The following POFUT3 variants were observed in gnomAD, a reference collection of about 807,000 sequenced individuals.
POFUT3 encodes the protein protein O-fucosyltransferase 3, also known as GDP-fucose protein O-fucosyltransferase 3.
chr8:33,438,701 C>T, the POFUT3 span, among the ~76,000 whole-genome samples: 1 of 152,160 alleles, frequency 6.6e-6, no homozygotes, highest in Non-Finnish European at 1.5e-5. Flanking sequence ...GCTGGGGAGG[C>T]CTCACAATCG....
At chr8:33,411,036 T>C in the POFUT3 span, among the ~76,000 whole-genome samples, 2 of 152,192 alleles carry the variant, frequency 1.3e-5, no homozygotes, top group Non-Finnish European at 2.9e-5. Flanking sequence ...TGTTATGGTC[T>C]GGGCCATTCA....
At chr8:33,341,290 C>A in the POFUT3 span, among the ~76,000 whole-genome samples, 1 of 151,864 alleles carries the variant, frequency 6.6e-6, no homozygotes, top group Middle Eastern at 3.2e-3. Flanking sequence ...CAAGAATTAG[C>A]CGAGGCTGGT....
At chr8:33,436,227 G>T in the POFUT3 span, 36 of 1,330,532 alleles carry the variant, frequency 2.7e-5, no homozygotes, top group Middle Eastern at 3.8e-4. Flanking sequence ...TGGGTACCAC[G>T]AAGGGTGTAT....
At chr8:33,458,161 GAT>G in the POFUT3 span, among the ~76,000 whole-genome samples, 1 of 152,126 alleles carries the variant, frequency 6.6e-6, no homozygotes, top group African/African-American at 2.4e-5. Context: ...GCAGTGTAAA[GAT>G]ACAGGGAGAA....
chr8:33,395,100 T>C, the POFUT3 span, among the ~76,000 whole-genome samples: 4 of 152,088 alleles, frequency 2.6e-5, no homozygotes, highest in African/African-American at 9.7e-5. Flanking sequence ...AGGAGCACTG[T>C]AAGAAGACTG....
the POFUT3 span, among the ~76,000 whole-genome samples, chr8:33,312,261 C>CA: frequency 3.8e-4 from 53 of 140,822 alleles, no homozygotes; most frequent in South Asian, 1.8e-3. Context: ...GACTCCGTCT[C>CA]AAAAAAAAAA....
the POFUT3 span, among the ~76,000 whole-genome samples, chr8:33,400,651 T>C: frequency 6.6e-6 from 1 of 152,150 alleles, no homozygotes; most frequent in Non-Finnish European, 1.5e-5. Flanking sequence ...AATTTACTTA[T>C]AGATTTTTAT....
the POFUT3 span, chr8:33,453,558 T>C: frequency 2.1e-6 from 3 of 1,458,692 alleles, no homozygotes; most frequent in Admixed American, 4.2e-5. Flanking sequence ...TTGATTTCCT[T>C]TTGCACATCT....
At chr8:33,360,423 G>T in the POFUT3 span, among the ~76,000 whole-genome samples, 4 of 151,822 alleles carry the variant, frequency 2.6e-5, no homozygotes, top group Admixed American at 2.0e-4. Context: ...TCCAGCCTGG[G>T]CAATAGAGTG....
chr8:33,380,017 A>ATATATATATAC, the POFUT3 span, among the ~76,000 whole-genome samples: 1 of 50,456 alleles, frequency 2.0e-5, no homozygotes, highest in Non-Finnish European at 3.2e-5. Flanking sequence ...TATATATAGT[A>ATATATATATAC]TATATATATA....
chr8:33,310,874 T>A, the POFUT3 span, among the ~76,000 whole-genome samples: 20 of 152,128 alleles, frequency 1.3e-4, no homozygotes, highest in African/African-American at 4.8e-4. Context: ...CCAAACCCAA[T>A]TCACTATTTA....
At chr8:33,456,066 C>G in the POFUT3 span, among the ~76,000 whole-genome samples, 1 of 152,184 alleles carries the variant, frequency 6.6e-6, no homozygotes, top group Non-Finnish European at 1.5e-5. Flanking sequence ...CAATAGCTCT[C>G]TCAGCATTTT....
At chr8:33,328,151 T>G in the POFUT3 span, among the ~76,000 whole-genome samples, 5 of 152,320 alleles carry the variant, frequency 3.3e-5, no homozygotes, top group African/African-American at 1.2e-4. Context: ...ACAGCTTACA[T>G]GTTTCTTGGT....
the POFUT3 span, among the ~76,000 whole-genome samples, chr8:33,316,877 T>C: frequency 9.2e-5 from 14 of 152,238 alleles, no homozygotes; most frequent in South Asian, 6.2e-4. Flanking sequence ...CCCATGATCC[T>C]ATGGCCCTGT....
the POFUT3 span, among the ~76,000 whole-genome samples, chr8:33,432,474 C>T: frequency 2.3e-3 from 349 of 151,898 alleles, 1 homozygote; most frequent in African/African-American, 7.5e-3. Context: ...GGCCTCATTC[C>T]TATTGGTATG....
At chr8:33,384,235 C>T in the POFUT3 span, among the ~76,000 whole-genome samples, 1 of 152,142 alleles carries the variant, frequency 6.6e-6, no homozygotes, top group Non-Finnish European at 1.5e-5. Context: ...ATGATGGAGG[C>T]TATGCATGAA....
chr8:33,410,387 T>G, the POFUT3 span, among the ~76,000 whole-genome samples: 1 of 152,150 alleles, frequency 6.6e-6, no homozygotes, highest in Non-Finnish European at 1.5e-5. Context: ...TAGATTGGTA[T>G]GCACTGCAAA....
At chr8:33,440,316 C>T in the POFUT3 span, among the ~76,000 whole-genome samples, 1 of 152,090 alleles carries the variant, frequency 6.6e-6, no homozygotes, top group Non-Finnish European at 1.5e-5. Flanking sequence ...GAGCTATGAT[C>T]ATGTCACAGC....
chr8:33,459,052 G>A, the POFUT3 span, among the ~76,000 whole-genome samples: 1 of 152,122 alleles, frequency 6.6e-6, no homozygotes, highest in Admixed American at 6.6e-5. Flanking sequence ...TAAATGTTGT[G>A]TGGAGAACCA....
Sources: gnomAD v4.1 joint callset for allele counts (sites outside exome capture counted in the v4.1 genomes callset) on GRCh38, gnomAD v4.1.1 for gene constraint, MANE v1.5 for transcripts, NCBI Gene and HGNC (gene_info 2026-07-23, HGNC 2026-07-21) for gene names.